The following SMYD3 variants were observed in gnomAD, a reference collection of about 807,000 sequenced individuals.
The protein encoded by SMYD3 is SET and MYND domain containing 3, also known as histone-lysine N-methyltransferase SMYD3.
Under a neutral mutation model 57.7 loss-of-function variants are expected in SMYD3, and 36 were observed. That is an observed-to-expected ratio of 0.62 (90% CI 0.48 to 0.82). The LOEUF is 0.82. Among genes scored for constraint, SMYD3 ranks in the 40% least tolerant of loss-of-function variants. The probability of loss-of-function intolerance (pLI) is 0.00; values close to 1 mark genes in which losing one functional copy is unlikely to be tolerated. For synonymous variants in SMYD3, 211 were observed against 195.0 expected (o/e 1.08, Z -0.68); for missense variants, 515 against 538.8 (o/e 0.96, Z 0.44).
At position 246,397,054 on chromosome 1, in the gene SMYD3, G is replaced by A. The variant is rs566086914; in HGVS notation, c.165-41960C>T. 1.4e-4 allele frequency among the ~76,000 whole-genome samples: 21 copies of A among 152,258 alleles called. 1 individual carries two copies. The highest frequency in any genetic ancestry group is 4.8e-4 in the African/African-American group (20 of 41,542). On this transcript the variant is annotated intron_variant, in intron 1 of 11. Transcript: ENST00000490107. The stretch of plus-strand genomic sequence containing the variant: ...AATCCTTAGGATGGGTATGCTCTTC[G>A]GAAAACTGTACCATCTCTTTGCCTG...
chr1:245,780,224 C>A (rs191688514), intron 10 of SMYD3, among the ~76,000 whole-genome samples: 3 of 152,046 alleles, frequency 2.0e-5, no homozygotes, highest in African/African-American at 7.3e-5. Context: ...AACATGTATA[C>A]GAATGTTTAT....
chr1:245,784,945 G>T (rs540894189), intron 10 of SMYD3, among the ~76,000 whole-genome samples: 2 of 151,362 alleles, frequency 1.3e-5, no homozygotes, highest in African/African-American at 4.9e-5. Flanking sequence ...CGCCTCCCGG[G>T]TTCAAGGGAT....
chr1:245,785,707 G>A (rs1389860711), intron 10 of SMYD3, among the ~76,000 whole-genome samples: 1 of 151,954 alleles, frequency 6.6e-6, no homozygotes, highest in Admixed American at 6.6e-5. Context: ...GCAAGAGAGA[G>A]CGAGAGACAG....
At chr1:246,216,656 AAT>A (rs1260613016) in intron 5 of SMYD3, among the ~76,000 whole-genome samples, 2 of 152,148 alleles carry the variant, frequency 1.3e-5, no homozygotes, top group African/African-American at 4.8e-5. Flanking sequence ...CATTATTGAA[AAT>A]ATAATAAAAA....
intron 5 of SMYD3, among the ~76,000 whole-genome samples, chr1:246,058,180 C>T (rs1036657555): frequency 6.6e-6 from 1 of 152,100 alleles, no homozygotes; most frequent in African/African-American, 2.4e-5. Context: ...TGTCCAAACA[C>T]GGAATGTACA....
At chr1:246,225,224 G>A (rs1572238502) in intron 5 of SMYD3, among the ~76,000 whole-genome samples, 1 of 147,032 alleles carries the variant, frequency 6.8e-6, no homozygotes, top group South Asian at 2.2e-4. Context: ...GTCAAAAGAT[G>A]TTGAAAAGAA....
rs1553321069 is a variant in SMYD3, at chr1:245,785,629, C to CAGAGAGAGAGCGAGCGAG, written c.1077-21498_1077-21481dup. The stretch of plus-strand genomic sequence containing the variant: ...TTCAAGAGACAGGGCACCTCTCCCC[C>CAGAGAGAGAGCGAGCGAG]AGAGAGAGAGCGAGCGAGAGAGAGA... On this transcript the variant is annotated intron_variant, in intron 10 of 11. Transcript: ENST00000490107. Among the ~76,000 whole-genome samples, 4 of 150,470 alleles carry CAGAGAGAGAGCGAGCGAG rather than the reference C, an allele frequency of 2.7e-5. No individual in the cohort carries two copies. The East Asian group carries it at 7.8e-4, about 29-fold the overall frequency.
chr1:246,293,766 A>T (rs12087985), intron 5 of SMYD3, among the ~76,000 whole-genome samples: 6,089 of 152,242 alleles, frequency 0.04, 409 homozygotes, highest in African/African-American at 0.14. Flanking sequence ...TTCAAAACAA[A>T]AAAACAGAAC....
chr1:246,116,866 A>G (rs927423795), intron 5 of SMYD3, among the ~76,000 whole-genome samples: 7 of 152,244 alleles, frequency 4.6e-5, no homozygotes, highest in African/African-American at 1.7e-4. Context: ...CACAGGCAAT[A>G]CTTTAAAAAT....
chr1:245,818,427 C>A (rs2048974843), intron 10 of SMYD3, among the ~76,000 whole-genome samples: 1 of 152,110 alleles, frequency 6.6e-6, no homozygotes, highest in Non-Finnish European at 1.5e-5. Context: ...CCGGTACCAG[C>A]CACTGCAAAA....
At chr1:245,952,031 T>C (rs1450837741) in intron 5 of SMYD3, among the ~76,000 whole-genome samples, 1 of 149,130 alleles carries the variant, frequency 6.7e-6, no homozygotes, top group Non-Finnish European at 1.5e-5. Flanking sequence ...AGACAATAAA[T>C]AGCAAAATGA....
intron 5 of SMYD3, among the ~76,000 whole-genome samples, chr1:245,968,419 C>G (rs886926056): frequency 3.3e-5 from 5 of 152,148 alleles, no homozygotes; most frequent in Admixed American, 2.0e-4. Context: ...GGAATGACAA[C>G]TCTCCTTCAA....
At chr1:245,779,403 G>C (rs1214450578) in intron 10 of SMYD3, among the ~76,000 whole-genome samples, 2 of 152,018 alleles carry the variant, frequency 1.3e-5, no homozygotes, top group Non-Finnish European at 2.9e-5. Flanking sequence ...ACATAATTAG[G>C]TACCAGGAAA....
intron 5 of SMYD3, among the ~76,000 whole-genome samples, chr1:246,174,354 C>G (rs2148259044): frequency 6.6e-6 from 1 of 152,324 alleles, no homozygotes; most frequent in East Asian, 1.9e-4. Context: ...GTTCCCCGCT[C>G]TATTATAATA....
At chr1:245,828,087 G>T (rs1161356894) in intron 10 of SMYD3, among the ~76,000 whole-genome samples, 2 of 152,166 alleles carry the variant, frequency 1.3e-5, no homozygotes, top group African/African-American at 2.4e-5. Context: ...TGAACAGAAA[G>T]AAAGGAATAA....
In SMYD3 at chr1:246,363,479, A is replaced by G. The variant is rs569374830; in HGVS notation, c.165-8385T>C. ...CAATGGCGGTTTTGTGGAATAGAAAAGGGGGAAAGGTGGGGAAAAAACTGA... is the reference window on the plus strand; with the variant it reads ...CAATGGCGGTTTTGTGGAATAGAAAGGGGGGAAAGGTGGGGAAAAAACTGA... On this transcript the variant is annotated intron_variant, in intron 1 of 11. Transcript: ENST00000490107. 6.4e-3 allele frequency among the ~76,000 whole-genome samples: 971 copies of G among 151,980 alleles called. 10 individuals carry two copies. The highest frequency in any genetic ancestry group is 0.021 in the African/African-American group (875 of 41,246).
At chr1:246,005,942 C>T (rs1273146766) in intron 5 of SMYD3, among the ~76,000 whole-genome samples, 1 of 152,126 alleles carries the variant, frequency 6.6e-6, no homozygotes, top group East Asian at 1.9e-4. Flanking sequence ...AATTGGCCTC[C>T]ATATGAGATG....
chr1:246,404,933 T>C (rs1012536143), intron 1 of SMYD3, among the ~76,000 whole-genome samples: 2 of 152,108 alleles, frequency 1.3e-5, no homozygotes, highest in Non-Finnish European at 1.5e-5. Flanking sequence ...CTCATAATAA[T>C]TGTAAACATT....
rs2059321620 is a variant in SMYD3, at chr1:246,013,421, C to T, written c.532-83484G>A. 3.3e-5 allele frequency among the ~76,000 whole-genome samples: 5 copies of T among 152,312 alleles called. No homozygotes were observed. The South Asian group carries it at 1.0e-3, about 32-fold the overall frequency. ...TCTCGAACTCCCAACCTCAAGTGATCCACCTGCCTTGGCCTCCCAAAGTGC... is the reference window on the plus strand; with the variant it reads ...TCTCGAACTCCCAACCTCAAGTGATTCACCTGCCTTGGCCTCCCAAAGTGC... On this transcript the variant is annotated intron_variant, in intron 5 of 11. Coordinates refer to ENST00000490107, the MANE Select transcript of SMYD3 (RefSeq NM_001167740.2).
Sources: gnomAD v4.1 joint callset for allele counts (sites outside exome capture counted in the v4.1 genomes callset) on GRCh38, gnomAD v4.1.1 for gene constraint, MANE v1.5 for transcripts, NCBI Gene and HGNC (gene_info 2026-07-23, HGNC 2026-07-21) for gene names.